SEMA3D: variants seen among roughly 807,000 people sequenced by gnomAD.
SEMA3D encodes semaphorin-3D.
SEMA3D carries 84 observed loss-of-function variants against 100.1 expected under a neutral mutation model. That is an observed-to-expected ratio of 0.84 (90% CI 0.70 to 1.01). SEMA3D has a LOEUF of 1.01. Ranked by LOEUF, SEMA3D falls within the 50% of genes least tolerant of loss-of-function variation. The pLI is 0.00. For synonymous variants in SEMA3D, 312 were observed against 320.7 expected, an observed-to-expected ratio of 0.97 and a Z score of 0.29; for missense variants, 875 against 934.1, an observed-to-expected ratio of 0.94 and a Z score of 0.82.
rs1789570473 is a variant in SEMA3D, at chr7:85,126,406, T to TGTGTGTGTGTGTGTGTGTGTGTGTGTC, written c.-40-4476_-40-4475insGACACACACACACACACACACACACAC. Among the ~76,000 whole-genome samples, 3 of 124,438 alleles carry TGTGTGTGTGTGTGTGTGTGTGTGTGTC rather than the reference T, an allele frequency of 2.4e-5. No individual in the cohort carries two copies. The Admixed American group carries it at 2.8e-4, about 11-fold the overall frequency. 81.6% of individuals were successfully genotyped at this position (124,438 alleles called of 152,430 possible). ...TGTGTGTGTGTGTGTGTGTGTGTCG[T>TGTGTGTGTGTGTGTGTGTGTGTGTGTC]GTGTGTGTGTGTGTGTGTGTGTGTG... On this transcript the variant is annotated intron_variant, in intron 2 of 18. Coordinates refer to ENST00000284136, the MANE Select transcript of SEMA3D (RefSeq NM_001384900.1).
rs746693565 is a variant in SEMA3D, at chr7:85,065,502, C to T, written c.640G>A (p.Ala214Thr). 1.2e-6 allele frequency: 2 copies of T among 1,612,714 alleles called. No homozygotes were observed. The highest frequency in any genetic ancestry group is 1.1e-5 in the South Asian group (1 of 91,044). ...TASDFLGKDT[A>T]FTRSLGPTHD... is the part of the protein sequence containing the mutation. ...GTAGGCCCAAGGGATCGAGTGAATGCAGTATCTTTGCCAAGGAAATCAGAA... is the reference window on the plus strand; with the variant it reads ...GTAGGCCCAAGGGATCGAGTGAATGTAGTATCTTTGCCAAGGAAATCAGAA... The change falls in exon 8 of 19, where the codon GCA (alanine) becomes ACA (threonine). Residue 214 changes from alanine to threonine, a missense_variant. Transcript: ENST00000284136.
chr7:85,242,514 C>G, the SEMA3D span, among the ~76,000 whole-genome samples: 14 of 152,154 alleles, frequency 9.2e-5, no homozygotes, highest in South Asian at 1.7e-3. Flanking sequence ...TTATTTGTCT[C>G]TAGTTTAATT....
At chr7:85,089,866 G>T (rs117017049) in intron 4 of SEMA3D, among the ~76,000 whole-genome samples, 6,306 of 152,192 alleles carry the variant, frequency 0.041, 144 homozygotes, top group Non-Finnish European at 0.061. Flanking sequence ...AGTCCAGCCT[G>T]GGTGACAGGA....
At chr7:85,057,507 G>A (rs1434784764) in intron 8 of SEMA3D, among the ~76,000 whole-genome samples, 1 of 152,156 alleles carries the variant, frequency 6.6e-6, no homozygotes, top group African/African-American at 2.4e-5. Context: ...GATCAATATT[G>A]CCTTTTCTAG....
chr7:85,159,898 A>G, intron 1 of SEMA3D: 1 of 985,010 alleles, frequency 1.0e-6, no homozygotes, highest in Non-Finnish European at 1.2e-6. Context: ...GAAAGATAGG[A>G]AAGAAGGAAG....
At chr7:85,031,389 A>C (rs1790544959) in intron 12 of SEMA3D, among the ~76,000 whole-genome samples, 1 of 152,034 alleles carries the variant, frequency 6.6e-6, no homozygotes, top group African/African-American at 2.4e-5. Context: ...ATAGAAAGCA[A>C]AGTATTCAGC....
At chr7:85,040,576 G>C in intron 11 of SEMA3D, 97 bp downstream of exon 11, 1 of 677,278 alleles carries the variant, frequency 1.5e-6, no homozygotes, top group Non-Finnish European at 2.6e-6. Flanking sequence ...TTTACGATAT[G>C]CTACTACAAA....
chr7:85,088,608 CA>C (rs1380765206), intron 4 of SEMA3D, among the ~76,000 whole-genome samples: 1 of 152,150 alleles, frequency 6.6e-6, no homozygotes, highest in East Asian at 1.9e-4. Flanking sequence ...GTTCCCAGGA[CA>C]GGGAGGTGTT....
the SEMA3D span, among the ~76,000 whole-genome samples, chr7:85,222,076 T>G: frequency 1.8e-3 from 281 of 152,228 alleles, no homozygotes; most frequent in African/African-American, 6.5e-3. Context: ...CCAATTTTCT[T>G]AATACATATT....
At chr7:85,087,676 A>C (rs1022977039) in intron 4 of SEMA3D, among the ~76,000 whole-genome samples, 1 of 152,206 alleles carries the variant, frequency 6.6e-6, no homozygotes, top group African/African-American at 2.4e-5. Context: ...ATGGGTCAAC[A>C]CTGTTAAACA....
chr7:85,195,790 A>T, the SEMA3D span, among the ~76,000 whole-genome samples: 4 of 152,314 alleles, frequency 2.6e-5, no homozygotes, highest in South Asian at 8.3e-4. Context: ...GAAAACAAAC[A>T]AAGAGACTTT....
At chr7:85,168,820 TGAAAGAAAGAAA>T (rs59563448) in intron 1 of SEMA3D, among the ~76,000 whole-genome samples, 3,460 of 121,090 alleles carry the variant, frequency 0.029, 67 homozygotes, top group African/African-American at 0.045. Flanking sequence ...GAAAGAAAGA[TGAAAGAAAGAAA>T]GAAAGAAAGA....
intron 11 of SEMA3D, among the ~76,000 whole-genome samples, chr7:85,038,990 T>C (rs974681727): frequency 4.6e-5 from 7 of 152,126 alleles, no homozygotes; most frequent in Non-Finnish European, 1.0e-4. Context: ...ATAAAATAGA[T>C]TAAAAATTTA....
At chr7:85,147,471 C>G (rs1301138728) in intron 2 of SEMA3D, among the ~76,000 whole-genome samples, 1 of 151,972 alleles carries the variant, frequency 6.6e-6, no homozygotes, top group Admixed American at 6.6e-5. Flanking sequence ...TTCTAATAAT[C>G]CCTGTTTCTA....
chr7:85,237,453 T>C, the SEMA3D span, among the ~76,000 whole-genome samples: 24 of 152,342 alleles, frequency 1.6e-4, no homozygotes, highest in African/African-American at 5.0e-4. Flanking sequence ...CATACCTTCC[T>C]GTCTGCTAAC....
intron 1 of SEMA3D, chr7:85,159,796 G>A (rs1349992955): frequency 1.0e-6 from 1 of 974,154 alleles, no homozygotes; most frequent in African/African-American, 1.8e-5. Context: ...TTGACAGCAG[G>A]CTATCTAATA....
chr7:85,060,569 T>C (rs572998080), intron 8 of SEMA3D, among the ~76,000 whole-genome samples: 2 of 152,268 alleles, frequency 1.3e-5, no homozygotes, highest in Admixed American at 6.5e-5. Flanking sequence ...CTTGAAATCA[T>C]GCATTTTCAG....
At chr7:85,228,286 T>C in the SEMA3D span, among the ~76,000 whole-genome samples, 1 of 152,164 alleles carries the variant, frequency 6.6e-6, no homozygotes, top group Non-Finnish European at 1.5e-5. Flanking sequence ...TTTCAAACTG[T>C]GCAGATAAAA....
intron 1 of SEMA3D, among the ~76,000 whole-genome samples, chr7:85,181,082 A>G (rs1284217584): frequency 6.6e-6 from 1 of 152,178 alleles, no homozygotes. Context: ...AAAAGCATAA[A>G]CTATCAACAT....
Sources: allele counts gnomAD v4.1 joint callset (sites outside exome capture counted in the v4.1 genomes callset), GRCh38; gene constraint gnomAD v4.1.1; transcripts MANE v1.5; gene names NCBI Gene and HGNC (gene_info 2026-07-23, HGNC 2026-07-21).